Variants in ATP1B4 observed in about 807,000 individuals in gnomAD.
ATP1B4 encodes the protein ATPase Na+/K+ transporting family member beta 4.
Under a neutral mutation model 29.6 loss-of-function variants are expected in ATP1B4, and 32 were observed. The ratio of observed to expected loss-of-function variants is 1.08; its 90% CI spans 0.82 to 1.45. The LOEUF (loss-of-function observed/expected upper bound fraction) is 1.45, where lower values mean the gene tolerates loss of function less well. ATP1B4 is among the 40% of genes most tolerant of loss of function. The pLI, the probability that ATP1B4 is intolerant of heterozygous loss-of-function variation, is 0.00. For missense variants in ATP1B4, 323 were observed against 276.2 expected, an observed-to-expected ratio of 1.17 and a Z score of -1.20; for synonymous variants, 127 against 102.1, an observed-to-expected ratio of 1.24 and a Z score of -1.47.
chrX:120,373,380 C>T lies in ATP1B4; in HGVS notation c.563-1992C>T, dbSNP rs545851715. 8.9e-5 allele frequency among the ~76,000 whole-genome samples: 10 copies of T among 112,341 alleles called. No individual in the cohort carries two copies. The South Asian group carries it at 1.9e-3, about 21-fold the overall frequency. On this transcript the variant is annotated intron_variant, in intron 4 of 7. Coordinates refer to ENST00000218008, the MANE Select transcript of ATP1B4 (RefSeq NM_001142447.3). Reference sequence around the variant, plus strand: ...CCATATTTGGAATAGATTTAAAATTCGCAGTTGCCGATTAATAATATCAAA... The same window carrying T: ...CCATATTTGGAATAGATTTAAAATTTGCAGTTGCCGATTAATAATATCAAA...
rs758922675 is a variant in ATP1B4, at chrX:120,362,186, G to A, written c.18G>A (p.Arg6=). Residue 6 remains arginine, a synonymous_variant, in exon 1 of 8, where the codon CGG becomes CGA. Coordinates refer to ENST00000218008, the MANE Select transcript of ATP1B4 (RefSeq NM_001142447.3). The part of the protein sequence containing the change: MRRQL[R]SRRAPSFPYS... ...GAACAGCCATGAGAAGGCAACTCCG[G>A]TCCAGAAGGGCTCCATCCTTTCCTT... 26 of 1,211,301 alleles carry A rather than the reference G, an allele frequency of 2.1e-5. No homozygotes were observed. The South Asian group carries it at 4.6e-4, about 21-fold the overall frequency.
intron 1 of ATP1B4, among the ~76,000 whole-genome samples, chrX:120,362,484 GAA>G (rs2058267034): frequency 8.9e-6 from 1 of 111,819 alleles, no homozygotes; most frequent in Non-Finnish European, 1.9e-5. Context: ...AGATAACAGA[GAA>G]TAAGTGGCTT....
At chrX:120,373,771 T>C (rs776720898) in intron 4 of ATP1B4, among the ~76,000 whole-genome samples, 1 of 111,880 alleles carries the variant, frequency 8.9e-6, no homozygotes, top group Non-Finnish European at 1.9e-5. Context: ...TGACAAGATC[T>C]CATGCCCTCA....
At chrX:120,370,149 A>G (rs1361857859) in intron 2 of ATP1B4, among the ~76,000 whole-genome samples, 2 of 111,915 alleles carry the variant, frequency 1.8e-5, no homozygotes, top group African/African-American at 6.5e-5. Context: ...TTTGAAAAGC[A>G]GAGCCATTTT....
At chrX:120,375,941 T>A (rs961813442) in intron 5 of ATP1B4, among the ~76,000 whole-genome samples, 2 of 111,452 alleles carry the variant, frequency 1.8e-5, no homozygotes, top group African/African-American at 6.5e-5. Flanking sequence ...CATCTTTAAT[T>A]TTTTAAAAAA....
At chrX:120,363,302 G>A (rs757837215) in intron 1 of ATP1B4, among the ~76,000 whole-genome samples, 10 of 112,380 alleles carry the variant, frequency 8.9e-5, no homozygotes, top group Non-Finnish European at 1.7e-4. Context: ...TTGAAGAACC[G>A]TTTAACTTCC....
chrX:120,379,761 T>C lies in ATP1B4; in HGVS notation c.*127T>C. On this transcript the variant is annotated 3_prime_UTR_variant, in exon 8 of 8. Coordinates refer to ENST00000218008, the MANE Select transcript of ATP1B4 (RefSeq NM_001142447.3). ...GGACATCTAAGACAGCCGATCATCT[T>C]TCCTTGCCTATGACATGTGTATAAA... The C allele has an allele frequency of 1.4e-6, 1 of 691,742 alleles. No individual in the cohort carries two copies. Among genetic ancestry groups the C allele is most frequent in the Non-Finnish European group, 2.1e-6 (1 of 486,399 alleles). The allele number at this position is 691,742 out of a possible 1,213,427, so 57.0% of individuals were successfully genotyped here.
In ATP1B4 at chrX:120,378,670, G is replaced by A. The variant is rs776312544; in HGVS notation, c.817-8G>A. 2 of 1,204,678 alleles carry A rather than the reference G, an allele frequency of 1.7e-6. No individual in the cohort carries two copies. The highest frequency in any genetic ancestry group is 2.2e-6 in the Non-Finnish European group (2 of 891,002). ...CAGCACCCCACATATACCTGCTTTTGCTTACAGAGAGGTGATGAAAATGAC... is the reference window on the plus strand; with the variant it reads ...CAGCACCCCACATATACCTGCTTTTACTTACAGAGAGGTGATGAAAATGAC... On this transcript the variant is annotated splice_polypyrimidine_tract_variant and splice_region_variant and intron_variant, in intron 6 of 7. Coordinates refer to ENST00000218008, the MANE Select transcript of ATP1B4 (RefSeq NM_001142447.3).
intron 1 of ATP1B4, among the ~76,000 whole-genome samples, chrX:120,364,128 G>A (rs960255329): frequency 1.7e-4 from 19 of 111,391 alleles, no homozygotes; most frequent in African/African-American, 6.2e-4. Context: ...TCTGTAATGG[G>A]ATTATCATGA....
At chrX:120,374,774 A>ATATATTATATTATATATAAGGGT (rs1491167165) in intron 4 of ATP1B4, among the ~76,000 whole-genome samples, 2 of 1,186 alleles carry the variant, frequency 1.7e-3, no homozygotes, top group African/African-American at 5.6e-3. Flanking sequence ...ATATATATAT[A>ATATATTATATTATATATAAGGGT]ATATATATAT....
rs1315381689 is a variant in ATP1B4 at position 120,366,607 on chromosome X, C to T, written c.146C>T (p.Pro49Leu). 8.3e-7 allele frequency: 1 copy of T among 1,199,299 alleles called. No homozygotes were observed. The highest frequency in any genetic ancestry group is 1.1e-6 in the Non-Finnish European group (1 of 887,801). ...AEEEARVTVV[P>L]KSEEEEEEEE... ...GAAGAGGCTCGGGTGACGGTGGTGC[C>T]CAAATCGGAGGAGGAGGAAGAAGAG... The change falls in exon 2 of 8, where the codon CCC becomes CTC. Residue 49 changes from proline (P) to leucine (L), a missense_variant. By Grantham distance (98) the Pro-to-Leu change is moderately conservative. Coordinates refer to ENST00000218008, the MANE Select transcript of ATP1B4 (RefSeq NM_001142447.3).
At chrX:120,374,248 G>T (rs2058328909) in intron 4 of ATP1B4, among the ~76,000 whole-genome samples, 1 of 109,189 alleles carries the variant, frequency 9.2e-6, no homozygotes, top group Non-Finnish European at 1.9e-5. Flanking sequence ...ACCAGAGTCG[G>T]CCTCCAGCCC....
At position 120,375,356 on chromosome X, in the gene ATP1B4, C is replaced by G. The variant is rs763820732; in HGVS notation, c.563-16C>G. ...ACCTGTCTAACATAACCTGTTGCCA[C>G]TCACACATGCTTTAGGTTATAATGA... On this transcript the variant is annotated splice_polypyrimidine_tract_variant and intron_variant, in intron 4 of 7. Transcript: ENST00000218008. 16 of 1,194,862 alleles carry G rather than the reference C, an allele frequency of 1.3e-5. No homozygotes were observed. The highest frequency in any genetic ancestry group is 1.8e-5 in the Non-Finnish European group (16 of 885,572).
chrX:120,362,725 AG>A (rs1403980751), intron 1 of ATP1B4, among the ~76,000 whole-genome samples: 1 of 111,904 alleles, frequency 8.9e-6, no homozygotes, highest in Non-Finnish European at 1.9e-5. Context: ...CAATAGGAGC[AG>A]GGAGGAATCC....
intron 6 of ATP1B4, 113 bp downstream of exon 6, chrX:120,376,549 T>C (rs1023754808): frequency 3.2e-6 from 2 of 630,505 alleles, no homozygotes; most frequent in Non-Finnish European, 5.1e-6. Flanking sequence ...AGGTTAATCT[T>C]TTCATAACTA....
rs1324446386 is a variant in ATP1B4, at chrX:120,382,169, G to A, written c.*2535G>A. ...AGTGTTTTTTCTCTTGTGGCAGAAA[G>A]AATTGCTGTTCCTCTTTGGAATCTC... is the stretch of plus-strand genomic sequence containing the variant. On this transcript the variant is annotated 3_prime_UTR_variant, in exon 8 of 8. Coordinates refer to ENST00000218008, the MANE Select transcript of ATP1B4 (RefSeq NM_001142447.3). The A allele has an allele frequency of 1.8e-5, 2 of 111,417 alleles. No homozygotes were observed. The highest frequency in any genetic ancestry group is 3.8e-5 in the Non-Finnish European group (2 of 53,085). The allele number at this position is 111,417 out of a possible 1,213,427, so 9.2% of individuals were successfully genotyped here. A position where few individuals can be genotyped will look rare whatever the true frequency, so the allele number is the denominator to read the frequency against.
At chrX:120,365,961 A>G (rs2058283791) in intron 1 of ATP1B4, among the ~76,000 whole-genome samples, 1 of 111,727 alleles carries the variant, frequency 9.0e-6, no homozygotes, top group Non-Finnish European at 1.9e-5. Context: ...CTGCCCATCT[A>G]TTGTTTCTGT....
In ATP1B4 at chrX:120,376,392, C is replaced by G; in HGVS notation, c.772C>G (p.Arg258Gly). ...LLKMNRIVGF[R>G]PELGDPVKVS... ...TTTCTTTTGATAGATTGTAGGCTTT[C>G]GTCCTGAGCTTGGAGATCCTGTGAA... The change falls in exon 6 of 8, where the codon CGT becomes GGT. Residue 258 changes from arginine to glycine, a missense_variant. Arg to Gly is a moderately radical substitution (Grantham distance 125, BLOSUM62 -2). Transcript: ENST00000218008. The G allele has an allele frequency of 2.5e-6, 3 of 1,209,935 alleles. No homozygotes were observed. The highest frequency in any genetic ancestry group is 3.4e-6 in the Non-Finnish European group (3 of 894,305).
At chrX:120,369,344 TAATAA>T (rs1013767681) in intron 2 of ATP1B4, among the ~76,000 whole-genome samples, 3 of 112,756 alleles carry the variant, frequency 2.7e-5, no homozygotes, top group Non-Finnish European at 5.6e-5. Context: ...TTAGTTCATC[TAATAA>T]AATAAAAAGG....
Sources: gnomAD v4.1 joint callset for allele counts (sites outside exome capture counted in the v4.1 genomes callset) on GRCh38, gnomAD v4.1.1 for gene constraint, MANE v1.5 for transcripts, NCBI Gene and HGNC (gene_info 2026-07-23, HGNC 2026-07-21) for gene names.